Variants in SPNS3 observed in about 807,000 individuals in gnomAD.
SPNS3 encodes SPNS lysolipid transporter 3, sphingosine-1-phosphate (putative).
Under a neutral mutation model 54.4 loss-of-function variants are expected in SPNS3, and 51 were observed. That is an observed-to-expected ratio of 0.94 (90% confidence interval 0.75 to 1.18). The LOEUF is 1.18. SPNS3 is among the 50% of genes most tolerant of loss of function. The pLI is 0.00. For missense variants in SPNS3, 669 were observed against 677.4 expected, an observed-to-expected ratio of 0.99 and a Z score of 0.14; for synonymous variants, 309 against 294.7, an observed-to-expected ratio of 1.05 and a Z score of -0.50.
intron 8 of SPNS3, among the ~76,000 whole-genome samples, chr17:4,474,051 C>T (rs1239450765): frequency 6.6e-6 from 1 of 152,338 alleles, no homozygotes; most frequent in Non-Finnish European, 1.5e-5. Flanking sequence ...CAGGCCCACT[C>T]GTCCTTCCTC....
intron 8 of SPNS3, among the ~76,000 whole-genome samples, chr17:4,454,226 A>G (rs1047158679): frequency 2.8e-4 from 42 of 152,236 alleles, no homozygotes; most frequent in African/African-American, 9.9e-4. Flanking sequence ...GACCAGAGCC[A>G]GAGGGTCCCT....
In SPNS3 at chr17:4,446,956, C is replaced by G. The variant is rs756558102; in HGVS notation, c.615C>G (p.Ala205=). The G allele has an allele frequency of 1.2e-6, 2 of 1,614,098 alleles. No homozygotes were observed. The highest frequency in any genetic ancestry group is 1.7e-6 in the Non-Finnish European group (2 of 1,179,986). ...VTMLTGNWRW[A]LRVMPCLEAV... is the part of the protein sequence containing the mutation. ...TGCTGACTGGGAACTGGCGCTGGGC[C>G]CTCCGAGTGAGTCCAGCTTCCTTTT... The change falls in exon 5 of 12, where the codon GCC becomes GCG. Residue 205 remains alanine (A), a synonymous_variant. Transcript: ENST00000355530.
rs369363727 is a variant in SPNS3 at position 4,439,570 on chromosome 17, T to G, written c.200-88T>G. 1.2e-4 allele frequency: 146 copies of G among 1,222,086 alleles called. No individual in the cohort carries two copies. The East Asian group carries it at 2.2e-3, about 19-fold the overall frequency. 75.7% of individuals were successfully genotyped at this position (1,222,086 alleles called of 1,614,324 possible). Reference sequence around the variant, plus strand: ...CATGCCCTGTGCTGTGCTGGTCAGCTGTGGCCCTGTGCCAAACCTGGAGCA... The same window carrying G: ...CATGCCCTGTGCTGTGCTGGTCAGCGGTGGCCCTGTGCCAAACCTGGAGCA... On this transcript the variant is annotated intron_variant, in intron 1 of 11. Coordinates refer to ENST00000355530, the MANE Select transcript of SPNS3 (RefSeq NM_182538.5).
At position 4,487,843 on chromosome 17, in the gene SPNS3, G is replaced by C; in HGVS notation, c.1488G>C (p.Leu496=). 2 of 1,614,156 alleles carry C rather than the reference G, an allele frequency of 1.2e-6. No homozygotes were observed. The highest frequency in any genetic ancestry group is 1.7e-6 in the Non-Finnish European group (2 of 1,179,946). ...GCAATGATGTGGACAGCAACGACCT[G>C]GAGAGACAAGGCCTACTTTCGGGCG... The part of the protein sequence containing the change: ...PDSNDVDSND[L]ERQGLLSGAG... Residue 496 remains leucine, a synonymous_variant, in exon 12 of 12, where the codon CTG becomes CTC. Coordinates refer to ENST00000355530, the MANE Select transcript of SPNS3 (RefSeq NM_182538.5).
chr17:4,481,409 G>T (rs1801218302), intron 9 of SPNS3, among the ~76,000 whole-genome samples: 2 of 152,158 alleles, frequency 1.3e-5, no homozygotes, highest in African/African-American at 4.8e-5. Context: ...TCTTTCAGCA[G>T]GGGCCCAGGG....
At chr17:4,441,446 C>T (rs1181957466) in intron 2 of SPNS3, among the ~76,000 whole-genome samples, 1 of 152,158 alleles carries the variant, frequency 6.6e-6, no homozygotes, top group Non-Finnish European at 1.5e-5. Context: ...TCCAATTGCC[C>T]CTCAATCTTG....
chr17:4,476,910 A>G (rs1328199927), intron 8 of SPNS3, among the ~76,000 whole-genome samples: 1 of 152,116 alleles, frequency 6.6e-6, no homozygotes, highest in Non-Finnish European at 1.5e-5. Flanking sequence ...TGGTGGCCAC[A>G]TCCCAGCTCC....
At chr17:4,436,003 T>C (rs1003634149) in intron 1 of SPNS3, among the ~76,000 whole-genome samples, 6 of 145,788 alleles carry the variant, frequency 4.1e-5, no homozygotes, top group Admixed American at 7.1e-5. Context: ...CATTCATTCA[T>C]TCAAGACCGG....
In SPNS3 at chr17:4,449,243, T is replaced by C. The variant is rs766421244; in HGVS notation, c.779T>C (p.Phe260Ser). The C allele has an allele frequency of 3.1e-6, 5 of 1,610,530 alleles. No individual in the cohort carries two copies. The African/African-American group carries it at 6.7e-5, about 22-fold the overall frequency. Residue 260 changes from phenylalanine (F) to serine (S), a missense_variant, in exon 7 of 12, where the codon TTC becomes TCC. Transcript: ENST00000355530. ...GGCACCTCGTCTTGCAGCTGGAGTT[T>C]CGTGTGGTCGACCCTCGGAGTGACC... is the stretch of plus-strand genomic sequence containing the variant. ...DVRYLGKNWS[F>S]VWSTLGVTAM...
At chr17:4,455,547 CA>C (rs1357274294) in intron 8 of SPNS3, among the ~76,000 whole-genome samples, 1 of 152,152 alleles carries the variant, frequency 6.6e-6, no homozygotes, top group African/African-American at 2.4e-5. Context: ...GTTGCCTTTC[CA>C]GCCAGGCTGT....
chr17:4,439,057 C>T (rs766328436), intron 1 of SPNS3, among the ~76,000 whole-genome samples: 4 of 151,662 alleles, frequency 2.6e-5, no homozygotes, highest in Non-Finnish European at 4.4e-5. Flanking sequence ...AGCCGTGTGG[C>T]TGCGTGCTTA....
At position 4,457,488 on chromosome 17, in the gene SPNS3, C is replaced by A. The variant is rs1236336792; in HGVS notation, c.1113+4283C>A. ...ACTGATCCAGAAACAGCGGGGCACA[C>A]CCCAGGCACTAGTAAATCCCTTAAT... On this transcript the variant is annotated intron_variant, in intron 8 of 11. Transcript: ENST00000355530. Among the ~76,000 whole-genome samples, 3 of 152,374 alleles carry A rather than the reference C, an allele frequency of 2.0e-5. No individual in the cohort carries two copies. In the East Asian group the frequency reaches 5.8e-4, roughly 29 times the overall value.
chr17:4,467,393 G>A (rs1324277888), intron 8 of SPNS3, among the ~76,000 whole-genome samples: 1 of 152,066 alleles, frequency 6.6e-6, no homozygotes, highest in Non-Finnish European at 1.5e-5. Context: ...TGGTTCCTCT[G>A]CTGGTTTGCC....
intron 1 of SPNS3, among the ~76,000 whole-genome samples, chr17:4,434,734 C>T (rs188079992): frequency 4.2e-4 from 64 of 151,730 alleles, no homozygotes; most frequent in African/African-American, 1.5e-3. Context: ...TCTCGAACTC[C>T]TGACCTCAGG....
intron 2 of SPNS3, among the ~76,000 whole-genome samples, chr17:4,442,020 G>GTGT (rs1555528916): frequency 1.3e-5 from 2 of 150,756 alleles, no homozygotes. Flanking sequence ...GTGTGTGTTT[G>GTGT]GCAGTAGGTG....
intron 7 of SPNS3, among the ~76,000 whole-genome samples, chr17:4,449,748 C>T (rs575662839): frequency 3.3e-5 from 5 of 152,092 alleles, no homozygotes; most frequent in Non-Finnish European, 5.9e-5. Context: ...GGGCCTGTAG[C>T]GTCTTCTGTG....
chr17:4,449,132 C>T, intron 6 of SPNS3, 103 bp from the exon 7 acceptor site: 6 of 1,341,198 alleles, frequency 4.5e-6, no homozygotes, highest in Non-Finnish European at 6.1e-6. Context: ...GGTAATGAGA[C>T]AAGATGGGAA....
chr17:4,449,764 A>AT (rs1002101248), intron 7 of SPNS3, among the ~76,000 whole-genome samples: 1 of 151,966 alleles, frequency 6.6e-6, no homozygotes, highest in African/African-American at 2.4e-5. Flanking sequence ...CTGTGAGGGC[A>AT]TCCCATTTTA....
At chr17:4,482,873 G>A (rs1454746147) in intron 9 of SPNS3, among the ~76,000 whole-genome samples, 1 of 152,200 alleles carries the variant, frequency 6.6e-6, no homozygotes, top group Non-Finnish European at 1.5e-5. Flanking sequence ...AAGGTGTGGA[G>A]GGAGGATCCC....
Sources: gnomAD v4.1 joint callset for allele counts (sites outside exome capture counted in the v4.1 genomes callset) on GRCh38, gnomAD v4.1.1 for gene constraint, MANE v1.5 for transcripts, NCBI Gene and HGNC (gene_info 2026-07-23, HGNC 2026-07-21) for gene names.